Variants in SCN10A observed in about 807,000 individuals in gnomAD.
SCN10A encodes the protein sodium channel protein type 10 subunit alpha.
In SCN10A, 162 loss-of-function variants were observed where a neutral mutation model predicts 170.7. That is an observed-to-expected ratio of 0.95 (90% CI 0.84 to 1.08). SCN10A has a LOEUF of 1.08. Among genes scored for constraint, SCN10A ranks in the 50% least tolerant of loss-of-function variants. SCN10A has a pLI of 0.00. For synonymous variants in SCN10A, 985 were observed against 904.6 expected (o/e 1.09, Z -1.59); for missense variants, 2,527 against 2,436.9 (o/e 1.04, Z -0.78).
Position 38,726,944 on chromosome 3 carries a change from T to A in SCN10A, c.2749A>T (p.Ile917Phe). The A allele has an allele frequency of 4.3e-6, 7 of 1,614,200 alleles. No homozygotes were observed. Among genetic ancestry groups the A allele is most frequent in the South Asian group, 1.1e-5 (1 of 91,082 alleles). Residue 917 changes from isoleucine (I) to phenylalanine (F), a missense_variant, in exon 17 of 28, where the codon ATC (isoleucine) becomes TTC (phenylalanine). By Grantham distance (21) the Ile-to-Phe change is conservative (BLOSUM62 0). Transcript: ENST00000449082. The part of the protein sequence containing the change: ...VNNLQVALAR[I>F]QVFGHRTKQA... The stretch of plus-strand genomic sequence containing the variant: ...TTGGTACGATGGCCAAAGACCTGGA[T>A]CCGTGCCAGGGCCACCTGCAGGTTG...
Position 38,709,570 on chromosome 3 carries a change from A to G in SCN10A, c.4189T>C (p.Tyr1397His). 1 of 1,613,220 alleles carries G rather than the reference A, an allele frequency of 6.2e-7. No individual in the cohort carries two copies. Among genetic ancestry groups the G allele is most frequent in the Non-Finnish European group, 8.5e-7 (1 of 1,179,598 alleles). ...KWEDNVYMYL[Y>H]FVIFIIFGGF... ...CCAAAAATGATGAAGATGACAAAGT[A>G]CAAATACATGTACACGTTGTCCTCC... The change falls in exon 25 of 28, where the codon TAC (tyrosine) becomes CAC (histidine). Residue 1397 changes from tyrosine to histidine, a missense_variant. Physicochemically the swap from Tyr to His is moderately conservative, Grantham distance 83 (BLOSUM62 2). Transcript: ENST00000449082.
intron 4 of SCN10A, among the ~76,000 whole-genome samples, chr3:38,782,283 G>A (rs1228401257): frequency 6.6e-6 from 1 of 151,998 alleles, no homozygotes; most frequent in East Asian, 1.9e-4. Context: ...GTCAACACTT[G>A]CAGGGCCTCT....
chr3:38,746,100 T>TATATATATATATATATATATATA (rs71085336), intron 13 of SCN10A, among the ~76,000 whole-genome samples: 1 of 99,820 alleles, frequency 1.0e-5, no homozygotes, highest in African/African-American at 3.6e-5. Flanking sequence ...TATATATATA[T>TATATATATATATATATATATATA]GCCATCTTTG....
intron 26 of SCN10A, among the ~76,000 whole-genome samples, chr3:38,702,383 C>T (rs542950459): frequency 6.6e-6 from 1 of 152,366 alleles, no homozygotes; most frequent in African/African-American, 2.4e-5. Context: ...CTCCTATCTC[C>T]TCTCTTGGCT....
intron 2 of SCN10A, 111 bp from the exon 3 acceptor site, chr3:38,792,279 T>C: frequency 7.3e-7 from 1 of 1,369,326 alleles, no homozygotes; most frequent in Non-Finnish European, 1.0e-6. Context: ...CAAGAAGGGC[T>C]CTGGGAACTA....
intron 21 of SCN10A, among the ~76,000 whole-genome samples, chr3:38,717,948 C>G (rs889871376): frequency 3.3e-5 from 5 of 152,322 alleles, no homozygotes; most frequent in Admixed American, 3.3e-4. Flanking sequence ...GTGTGAGAAG[C>G]ACACAGTCAA....
chr3:38,810,869 T>C (rs2064437168), intron 1 of SCN10A, among the ~76,000 whole-genome samples: 1 of 152,248 alleles, frequency 6.6e-6, no homozygotes, highest in African/African-American at 2.4e-5. Context: ...ATATGCTTAC[T>C]GTTTCAGATT....
At chr3:38,761,746 G>A (rs1402257672) in intron 6 of SCN10A, among the ~76,000 whole-genome samples, 8 of 151,928 alleles carry the variant, frequency 5.3e-5, no homozygotes, top group Admixed American at 5.2e-4. Context: ...CAGTAATTTG[G>A]CATCTGTCTT....
chr3:38,730,261 T>A (rs1159047454), intron 15 of SCN10A, among the ~76,000 whole-genome samples: 2 of 152,100 alleles, frequency 1.3e-5, no homozygotes, highest in Non-Finnish European at 2.9e-5. Context: ...AGGAGGAAAA[T>A]TGACGCTGAG....
intron 4 of SCN10A, among the ~76,000 whole-genome samples, chr3:38,782,230 G>A (rs1165955817): frequency 6.6e-6 from 1 of 152,068 alleles, no homozygotes; most frequent in Non-Finnish European, 1.5e-5. Context: ...CTGCTCACAT[G>A]TTCTTTCCTC....
At chr3:38,768,735 T>C (rs1345866894) in intron 5 of SCN10A, among the ~76,000 whole-genome samples, 1 of 152,178 alleles carries the variant, frequency 6.6e-6, no homozygotes, top group Non-Finnish European at 1.5e-5. Context: ...GCCTAGGTGA[T>C]GATCTTTTTT....
chr3:38,735,795 CT>C (rs2063554415), intron 15 of SCN10A, among the ~76,000 whole-genome samples: 1 of 152,214 alleles, frequency 6.6e-6, no homozygotes, highest in East Asian at 1.9e-4. Context: ...GGAAGACAGA[CT>C]TTTTATTTCT....
chr3:38,701,375 T>C (rs762387126), intron 27 of SCN10A, among the ~76,000 whole-genome samples: 13 of 152,356 alleles, frequency 8.5e-5, no homozygotes, highest in Non-Finnish European at 1.6e-4. Context: ...GAGAATCTCC[T>C]TTGAACAATC....
chr3:38,812,911 G>A (rs952924571), intron 1 of SCN10A, among the ~76,000 whole-genome samples: 2 of 152,064 alleles, frequency 1.3e-5, no homozygotes, highest in East Asian at 3.9e-4. Flanking sequence ...GAGGCCACCT[G>A]TAATCCCAGC....
rs2063160638 is a variant in SCN10A at position 38,701,941 on chromosome 3, A to G, written c.4555T>C (p.Phe1519Leu). 6 of 1,614,238 alleles carry G rather than the reference A, an allele frequency of 3.7e-6. No homozygotes were observed. Among genetic ancestry groups the G allele is most frequent in the Non-Finnish European group, 5.1e-6 (6 of 1,180,044 alleles). Residue 1519 changes from phenylalanine to leucine, a missense_variant, in exon 27 of 28, where the codon TTC becomes CTC. Coordinates refer to ENST00000449082, the MANE Select transcript of SCN10A (RefSeq NM_006514.4). ...ATCTTCATGACACATTCGCCTGTGA[A>G]GACGGCCACAAAGAACTGGTTGATT... is the stretch of plus-strand genomic sequence containing the variant. ...GKINQFFVAV[F>L]TGECVMKMFA...
At position 38,793,994 on chromosome 3, in the gene SCN10A, C is replaced by T; in HGVS notation, c.17G>A (p.Gly6Glu). Reference protein sequence around the residue: MEFPIGSLETNNFRRF... With the variant: MEFPIESLETNNFRRF... Reference sequence around the variant, plus strand: ...ACGGAAGTTGTTAGTTTCGAGGGATCCAATGGGGAATTCCATCTTCTCATT... The same window carrying T: ...ACGGAAGTTGTTAGTTTCGAGGGATTCAATGGGGAATTCCATCTTCTCATT... The change falls in exon 2 of 28, where the codon GGA becomes GAA. Residue 6 changes from glycine to glutamate, a missense_variant. Physicochemically the swap from Gly to Glu is moderately conservative, Grantham distance 98 (BLOSUM62 -2). Coordinates refer to ENST00000449082, the MANE Select transcript of SCN10A (RefSeq NM_006514.4). The T allele has an allele frequency of 6.2e-7, 1 of 1,613,846 alleles. No individual in the cohort carries two copies. Among genetic ancestry groups the T allele is most frequent in the East Asian group, 2.2e-5 (1 of 44,878 alleles).
chr3:38,736,963 GTTT>G (rs71085334), intron 15 of SCN10A, among the ~76,000 whole-genome samples: 4 of 46,682 alleles, frequency 8.6e-5, no homozygotes, highest in African/African-American at 4.2e-4. Flanking sequence ...AGAAATGTTC[GTTT>G]TTTTTTTTTT....
chr3:38,740,908 T>G (rs1363670870), intron 14 of SCN10A, among the ~76,000 whole-genome samples: 1 of 152,208 alleles, frequency 6.6e-6, no homozygotes, highest in African/African-American at 2.4e-5. Context: ...AGGCCCTCTG[T>G]GGTCTTAGGC....
intron 19 of SCN10A, 68 bp from the exon 20 acceptor site, chr3:38,722,480 G>T (rs999203122): frequency 6.5e-7 from 1 of 1,536,874 alleles, no homozygotes; most frequent in Non-Finnish European, 8.8e-7. Flanking sequence ...TGCTCCTGCT[G>T]CAGAGAAACC....
Sources: allele counts gnomAD v4.1 joint callset (sites outside exome capture counted in the v4.1 genomes callset), GRCh38; gene constraint gnomAD v4.1.1; transcripts MANE v1.5; gene names NCBI Gene and HGNC (gene_info 2026-07-23, HGNC 2026-07-21).